MAGI1: variants seen among roughly 807,000 people sequenced by gnomAD.
The protein encoded by MAGI1 is membrane-associated guanylate kinase, WW and PDZ domain-containing protein 1.
In MAGI1, 58 loss-of-function variants were observed where a neutral mutation model predicts 139.9. The observed-to-expected ratio is 0.41, with a 90% CI of 0.34 to 0.52. The LOEUF is 0.52. Among genes scored for constraint, MAGI1 ranks in the 20% least tolerant of loss-of-function variants. MAGI1 has a pLI of 0.12. For synonymous variants in MAGI1, 812 were observed against 737.9 expected, an observed-to-expected ratio of 1.10 and a Z score of -1.63; for missense variants, 1,874 against 1,901.6, an observed-to-expected ratio of 0.99 and a Z score of 0.27.
intron 2 of MAGI1, among the ~76,000 whole-genome samples, chr3:65,521,744 G>A (rs189359446): frequency 6.6e-6 from 1 of 152,274 alleles, no homozygotes; most frequent in Non-Finnish European, 1.5e-5. Context: ...TGAAAAGTTG[G>A]ATGTTATGTT....
At chr3:65,404,077 G>A (rs1401190407) in intron 12 of MAGI1, among the ~76,000 whole-genome samples, 1 of 152,166 alleles carries the variant, frequency 6.6e-6, no homozygotes, top group African/African-American at 2.4e-5. Context: ...TGCCTTCCAT[G>A]AACGTCCACA....
At chr3:65,428,915 C>T (rs1398770059) in intron 12 of MAGI1, among the ~76,000 whole-genome samples, 1 of 151,882 alleles carries the variant, frequency 6.6e-6, no homozygotes, top group African/African-American at 2.4e-5. Flanking sequence ...AGGACCATTC[C>T]AGGCAGAACG....
At chr3:65,469,347 T>C (rs1368417746) in intron 5 of MAGI1, among the ~76,000 whole-genome samples, 1 of 152,146 alleles carries the variant, frequency 6.6e-6, no homozygotes, top group African/African-American at 2.4e-5. Context: ...TTTCTTTTTC[T>C]TTCTCAGTGG....
intron 2 of MAGI1, among the ~76,000 whole-genome samples, chr3:65,581,532 C>A (rs1297999538): frequency 6.6e-6 from 1 of 152,108 alleles, no homozygotes; most frequent in East Asian, 1.9e-4. Flanking sequence ...ACTGTCCCTG[C>A]CCCCTTGCTG....
intron 1 of MAGI1, among the ~76,000 whole-genome samples, chr3:65,926,213 T>A (rs2062495285): frequency 6.6e-6 from 1 of 152,240 alleles, no homozygotes; most frequent in African/African-American, 2.4e-5. Context: ...TATTGTGTGT[T>A]ATCACCTACA....
chr3:65,533,402 G>T (rs142524993), intron 2 of MAGI1, among the ~76,000 whole-genome samples: 3 of 152,242 alleles, frequency 2.0e-5, no homozygotes, highest in African/African-American at 7.2e-5. Flanking sequence ...TAACTTTTGC[G>T]TTGTGTTTAC....
chr3:65,841,796 C>A (rs2058816213), intron 1 of MAGI1, among the ~76,000 whole-genome samples: 1 of 152,136 alleles, frequency 6.6e-6, no homozygotes, highest in South Asian at 2.1e-4. Flanking sequence ...TGAACCAACA[C>A]AGGGTTCACA....
At chr3:65,601,825 G>A (rs2082498205) in intron 2 of MAGI1, among the ~76,000 whole-genome samples, 2 of 151,456 alleles carry the variant, frequency 1.3e-5, no homozygotes, top group South Asian at 4.2e-4. Context: ...AGACACCCAT[G>A]GAAAGAAAAA....
intron 1 of MAGI1, among the ~76,000 whole-genome samples, chr3:65,958,159 C>A (rs2064230149): frequency 6.6e-6 from 1 of 152,164 alleles, no homozygotes; most frequent in African/African-American, 2.4e-5. Flanking sequence ...CCCTCTCCTT[C>A]CCTCTTCCTC....
intron 1 of MAGI1, among the ~76,000 whole-genome samples, chr3:65,857,268 T>G (rs77997881): frequency 6.6e-6 from 1 of 152,190 alleles, no homozygotes; most frequent in Non-Finnish European, 1.5e-5. Context: ...CACAAAAATC[T>G]AGTACTGGTT....
intron 1 of MAGI1, among the ~76,000 whole-genome samples, chr3:65,837,648 A>G (rs1225232228): frequency 6.6e-6 from 1 of 152,204 alleles, no homozygotes; most frequent in East Asian, 1.9e-4. Context: ...ACTAAATACG[A>G]ATGCAAAGCG....
chr3:65,959,798 CTTTTT>C lies in MAGI1; in HGVS notation c.313+78193_313+78197del, dbSNP rs33978400. Reference sequence around the variant, plus strand: ...TAATGGACAAATAAATAAATTCTCTCTTTTTTTTTTTTTTTTTTTTTTTTTGAGAC... The same window carrying C: ...TAATGGACAAATAAATAAATTCTCTCTTTTTTTTTTTTTTTTTTTTGAGAC... On this transcript the variant is annotated intron_variant, in intron 1 of 22. Coordinates refer to ENST00000402939, the MANE Select transcript of MAGI1 (RefSeq NM_001033057.2). 1.2e-4 allele frequency among the ~76,000 whole-genome samples: 7 copies of C among 60,266 alleles called. No individual in the cohort carries two copies. The Admixed American group carries it at 1.9e-3, about 16-fold the overall frequency. 39.5% of individuals were successfully genotyped at this position (60,266 alleles called of 152,430 possible).
chr3:65,577,459 TTA>T (rs1369403239), intron 2 of MAGI1, among the ~76,000 whole-genome samples: 1 of 152,122 alleles, frequency 6.6e-6, no homozygotes, highest in Non-Finnish European at 1.5e-5. Flanking sequence ...TTAAAAAATA[TTA>T]CATTAAAATA....
chr3:65,583,604 C>G (rs2081539033), intron 2 of MAGI1, among the ~76,000 whole-genome samples: 1 of 151,798 alleles, frequency 6.6e-6, no homozygotes, highest in Non-Finnish European at 1.5e-5. Flanking sequence ...AAAAGATAAA[C>G]TGAACAGCAA....
chr3:65,787,677 G>C (rs774132756), intron 1 of MAGI1, among the ~76,000 whole-genome samples: 5 of 151,806 alleles, frequency 3.3e-5, no homozygotes, highest in Non-Finnish European at 7.4e-5. Flanking sequence ...AGAGTAGACT[G>C]TCAGGGACAA....
chr3:65,732,330 T>A (rs751422720), intron 1 of MAGI1, among the ~76,000 whole-genome samples: 5 of 152,214 alleles, frequency 3.3e-5, no homozygotes, highest in Non-Finnish European at 5.9e-5. Flanking sequence ...AACCCACTTC[T>A]CATTAGACTG....
intron 1 of MAGI1, among the ~76,000 whole-genome samples, chr3:65,834,173 A>C (rs2042680256): frequency 6.6e-6 from 1 of 152,252 alleles, no homozygotes; most frequent in Admixed American, 6.5e-5. Context: ...TATGAAAGTA[A>C]GAGGAGGTAG....
intron 1 of MAGI1, among the ~76,000 whole-genome samples, chr3:65,888,045 A>AT (rs1477859250): frequency 6.6e-6 from 1 of 152,130 alleles, no homozygotes; most frequent in Non-Finnish European, 1.5e-5. Context: ...CCAAACTAAG[A>AT]TTTTTTGAGA....
chr3:65,922,367 G>A (rs1400268330), intron 1 of MAGI1, among the ~76,000 whole-genome samples: 1 of 152,076 alleles, frequency 6.6e-6, no homozygotes, highest in Non-Finnish European at 1.5e-5. Flanking sequence ...AATGAATCAG[G>A]GTAATCCCTA....
Sources: gnomAD v4.1 joint callset for allele counts (sites outside exome capture counted in the v4.1 genomes callset) on GRCh38, gnomAD v4.1.1 for gene constraint, MANE v1.5 for transcripts, NCBI Gene and HGNC (gene_info 2026-07-23, HGNC 2026-07-21) for gene names.